GPR155: variants seen among roughly 807,000 people sequenced by gnomAD.
GPR155 encodes the protein lysosomal cholesterol signaling protein.
A neutral mutation model predicts 93.1 loss-of-function variants in GPR155; 65 were observed. The ratio of observed to expected loss-of-function variants is 0.70; its 90% CI spans 0.57 to 0.86. The LOEUF (loss-of-function observed/expected upper bound fraction) is 0.86, where lower values mean the gene tolerates loss of function less well. GPR155 is among the 40% of genes least tolerant of loss of function. The pLI is 0.00. For synonymous variants in GPR155, 319 were observed against 360.1 expected (o/e 0.89, Z 1.29); for missense variants, 838 against 1,034.8 (o/e 0.81, Z 2.61).
chr2:174,442,988 T>C (rs1415579923), intron 13 of GPR155, among the ~76,000 whole-genome samples: 2 of 152,222 alleles, frequency 1.3e-5, no homozygotes, highest in Non-Finnish European at 2.9e-5. Context: ...TGGCATTAGC[T>C]GCTGTTGATG....
intron 2 of GPR155, among the ~76,000 whole-genome samples, chr2:174,475,250 C>A (rs996336134): frequency 7.9e-6 from 1 of 126,510 alleles, no homozygotes; most frequent in Non-Finnish European, 1.6e-5. Context: ...AGCCGAGATC[C>A]CGCCACTGCA....
intron 1 of GPR155, among the ~76,000 whole-genome samples, chr2:174,483,429 T>C (rs980034009): frequency 2.0e-5 from 3 of 152,076 alleles, no homozygotes; most frequent in Non-Finnish European, 2.9e-5. Context: ...GTTCAGAAAA[T>C]GCTAAAGCAT....
intron 12 of GPR155, 183 bp from the exon 13 acceptor site, chr2:174,445,359 C>T (rs547215923): frequency 1.9e-6 from 1 of 534,982 alleles, no homozygotes; most frequent in East Asian, 3.1e-5. Flanking sequence ...CTCCTCCTGA[C>T]AGATGTCATT....
In GPR155 at chr2:174,451,112, C is replaced by T. The variant is rs187488732; in HGVS notation, c.1876+2625G>A. On this transcript the variant is annotated intron_variant, in intron 11 of 15. Transcript: ENST00000392552. ...ATCACTTGAGATCAGGAGTTTGACACCAGCCTGGCCAACATGGTGAAACCC... is the reference window on the plus strand; with the variant it reads ...ATCACTTGAGATCAGGAGTTTGACATCAGCCTGGCCAACATGGTGAAACCC... Among the ~76,000 whole-genome samples the T allele has an allele frequency of 5.4e-3, 819 of 152,040 alleles. 4 individuals are homozygous for T. The highest frequency in any genetic ancestry group is 8.8e-3 in the Non-Finnish European group (596 of 67,968).
At chr2:174,485,751 G>A (rs1237301695) in intron 1 of GPR155, among the ~76,000 whole-genome samples, 1 of 151,926 alleles carries the variant, frequency 6.6e-6, no homozygotes, top group Non-Finnish European at 1.5e-5. Flanking sequence ...TAAACGGGAA[G>A]ATAATATGCT....
At chr2:174,439,099 A>G (rs1199632130) in intron 15 of GPR155, among the ~76,000 whole-genome samples, 1 of 151,738 alleles carries the variant, frequency 6.6e-6, no homozygotes, top group Non-Finnish European at 1.5e-5. Context: ...CCCCTTTTCC[A>G]CTCTCCGTAC....
chr2:174,436,350 G>T lies in GPR155; in HGVS notation c.2379C>A (p.Val793=). The T allele has an allele frequency of 2.5e-6, 4 of 1,614,172 alleles. No individual in the cohort carries two copies. Among genetic ancestry groups the T allele is most frequent in the Non-Finnish European group, 3.4e-6 (4 of 1,180,028 alleles). The stretch of plus-strand genomic sequence containing the variant: ...CTTCACCACGGTCGGAGGCAAGGCC[G>T]ACTTCAATTAGCCAGCTCACCAGGT... ...GCDLVSWLIE[V]GLASDRGEAV... is the part of the protein sequence containing the mutation. The change falls in exon 16 of 16, where the codon GTC becomes GTA. Residue 793 remains valine, a synonymous_variant. Transcript: ENST00000392552.
At chr2:174,440,856 T>C (rs919717922) in intron 14 of GPR155, among the ~76,000 whole-genome samples, 1 of 152,162 alleles carries the variant, frequency 6.6e-6, no homozygotes, top group African/African-American at 2.4e-5. Context: ...TTCACTAAGC[T>C]GATAAAAAAA....
At chr2:174,470,051 AG>A (rs1226059663) in intron 4 of GPR155, among the ~76,000 whole-genome samples, 1 of 152,188 alleles carries the variant, frequency 6.6e-6, no homozygotes. Context: ...TAGTAGAGAC[AG>A]GGTTTCGCCA....
At chr2:174,450,035 A>G (rs1289179755) in intron 11 of GPR155, among the ~76,000 whole-genome samples, 3 of 151,734 alleles carry the variant, frequency 2.0e-5, no homozygotes, top group Non-Finnish European at 4.4e-5. Flanking sequence ...AGTCCTGGCT[A>G]CTTGGTAGGC....
chr2:174,453,856 T>C lies in GPR155; in HGVS notation c.1772-15A>G, dbSNP rs1428072673. 6.4e-7 allele frequency: 1 copy of C among 1,562,364 alleles called. No individual in the cohort carries two copies. ...GGAGCAGCAACCTATATCAATCAAA[T>C]AGTATGTGAGAGTAGAGCCCAACCA... is the stretch of plus-strand genomic sequence containing the variant. On this transcript the variant is annotated splice_polypyrimidine_tract_variant and intron_variant, in intron 10 of 15. Coordinates refer to ENST00000392552, the MANE Select transcript of GPR155 (RefSeq NM_152529.7).
In GPR155 at chr2:174,436,381, C is replaced by T. The variant is rs768442568; in HGVS notation, c.2348G>A (p.Gly783Asp). The change falls in exon 16 of 16, where the codon GGC becomes GAC. Residue 783 changes from glycine to aspartate, a missense_variant. Transcript: ENST00000392552. ...GAKTSAGTFC[G>D]CDLVSWLIEV... is the part of the protein sequence containing the mutation. ...AATTAGCCAGCTCACCAGGTCACAG[C>T]CACAGAAAGTTCCAGCAGAAGTCTT... The T allele has an allele frequency of 6.2e-7, 1 of 1,614,120 alleles. No individual in the cohort carries two copies. Among genetic ancestry groups the T allele is most frequent in the South Asian group, 1.1e-5 (1 of 91,080 alleles).
intron 14 of GPR155, among the ~76,000 whole-genome samples, chr2:174,440,756 G>A (rs1426084916): frequency 3.9e-5 from 6 of 152,132 alleles, no homozygotes; most frequent in Non-Finnish European, 7.4e-5. Context: ...AGAAAGATTT[G>A]TCCCGACCTC....
chr2:174,467,030 G>T (rs1287179441), intron 5 of GPR155, among the ~76,000 whole-genome samples: 1 of 151,920 alleles, frequency 6.6e-6, no homozygotes, highest in South Asian at 2.1e-4. Flanking sequence ...AGTGGCGGGC[G>T]CCTGTAATCC....
At chr2:174,474,310 A>T (rs970196880) in intron 2 of GPR155, among the ~76,000 whole-genome samples, 6 of 152,184 alleles carry the variant, frequency 3.9e-5, no homozygotes, top group Admixed American at 3.9e-4. Flanking sequence ...TGTGCTGGCA[A>T]TGGGAAAATG....
intron 11 of GPR155, among the ~76,000 whole-genome samples, chr2:174,452,388 C>G (rs1363382218): frequency 1.3e-5 from 2 of 152,172 alleles, no homozygotes; most frequent in Non-Finnish European, 2.9e-5. Flanking sequence ...ATACCACATA[C>G]TGTGCTAAGT....
intron 2 of GPR155, among the ~76,000 whole-genome samples, chr2:174,478,761 A>C (rs1013351416): frequency 6.6e-6 from 1 of 152,120 alleles, no homozygotes; most frequent in Non-Finnish European, 1.5e-5. Context: ...CCCATGATCG[A>C]TGCTTGTCTG....
intron 13 of GPR155, among the ~76,000 whole-genome samples, chr2:174,444,209 G>T (rs1398590357): frequency 6.6e-6 from 1 of 152,014 alleles, no homozygotes; most frequent in Non-Finnish European, 1.5e-5. Context: ...CTGAGGTTGG[G>T]AGTTGGAGAC....
rs142110734 is a variant in GPR155, at chr2:174,439,323, G to A, written c.2312+575C>T. ...TATTCAAAGTTCATAATTTCCTGCT[G>A]TATACTTCGTTTATAAAAAAATTTT... On this transcript the variant is annotated intron_variant, in intron 15 of 15. Coordinates refer to ENST00000392552, the MANE Select transcript of GPR155 (RefSeq NM_152529.7). Among the ~76,000 whole-genome samples, 418 of 152,042 alleles carry A rather than the reference G, an allele frequency of 2.7e-3. 1 individual carries two copies. The highest frequency in any genetic ancestry group is 9.5e-3 in the African/African-American group (393 of 41,466).
Sources: gnomAD v4.1 joint callset for allele counts (sites outside exome capture counted in the v4.1 genomes callset) on GRCh38, gnomAD v4.1.1 for gene constraint, MANE v1.5 for transcripts, NCBI Gene and HGNC (gene_info 2026-07-23, HGNC 2026-07-21) for gene names.